Variants in ELOVL5 observed in about 807,000 individuals in gnomAD.
ELOVL5 encodes the protein very long chain fatty acid elongase 5.
In ELOVL5, 8 loss-of-function variants were observed where a neutral mutation model predicts 38.6. The ratio of observed to expected loss-of-function variants is 0.21; its 90% confidence interval spans 0.12 to 0.37. The LOEUF (loss-of-function observed/expected upper bound fraction) is 0.37. Among genes scored for constraint, ELOVL5 ranks in the 10% least tolerant of loss-of-function variants. The probability of loss-of-function intolerance (pLI) is 1.00; values close to 1 mark genes in which losing one functional copy is unlikely to be tolerated. For synonymous variants in ELOVL5, 127 were observed against 133.7 expected, an observed-to-expected ratio of 0.95 and a Z score of 0.34; for missense variants, 280 against 367.8, an observed-to-expected ratio of 0.76 and a Z score of 1.95.
chr6:53,311,957 C>G (rs1767854110), intron 1 of ELOVL5, among the ~76,000 whole-genome samples: 1 of 151,132 alleles, frequency 6.6e-6, no homozygotes, highest in Non-Finnish European at 1.5e-5. Context: ...TTTATACACT[C>G]AAGCCTACTG....
intron 1 of ELOVL5, among the ~76,000 whole-genome samples, chr6:53,319,787 C>T (rs1768222681): frequency 6.6e-6 from 1 of 152,174 alleles, no homozygotes; most frequent in Admixed American, 6.5e-5. Flanking sequence ...GGCTAGGGCC[C>T]TCTCTTGAAC....
chr6:53,348,435 G>C (rs1379350337), intron 1 of ELOVL5, among the ~76,000 whole-genome samples: 1 of 152,142 alleles, frequency 6.6e-6, no homozygotes, highest in East Asian at 1.9e-4. Context: ...CCCGCAGGGC[G>C]GGAGGACCCA....
intron 6 of ELOVL5, 44 bp from the exon 7 acceptor site, chr6:53,270,771 G>C: frequency 6.2e-7 from 1 of 1,606,074 alleles, no homozygotes; most frequent in Non-Finnish European, 8.5e-7. Context: ...ACAGTGCATG[G>C]ACGAGGCCCC....
chr6:53,309,926 A>C (rs1449511821), intron 1 of ELOVL5, among the ~76,000 whole-genome samples: 1 of 152,182 alleles, frequency 6.6e-6, no homozygotes, highest in African/African-American at 2.4e-5. Flanking sequence ...CCTTGCTGGG[A>C]CTTCTGACCC....
rs1353618267 is a variant in ELOVL5, at chr6:53,291,780, C to A, written c.242G>T (p.Cys81Phe). The A allele has an allele frequency of 1.2e-6, 2 of 1,607,224 alleles. No homozygotes were observed. Among genetic ancestry groups the A allele is most frequent in the South Asian group, 2.2e-5 (2 of 89,782 alleles). Residue 81 changes from cysteine to phenylalanine, a missense_variant, in exon 3 of 8, where the codon TGT (cysteine) becomes TTT (phenylalanine). Coordinates refer to ENST00000304434, the MANE Select transcript of ELOVL5 (RefSeq NM_021814.5). ...CTGTGTTAACCTTTGACTTACCTCA[C>A]AGAACATATACAGAGACAGCAGTGT... ...GLTLLSLYMF[C>F]ELVTGVWEGK...
intron 2 of ELOVL5, among the ~76,000 whole-genome samples, chr6:53,293,239 C>G (rs887722147): frequency 2.1e-4 from 32 of 152,212 alleles, no homozygotes; most frequent in Admixed American, 2.0e-3. Context: ...GAGGCACATG[C>G]AGCATTCACC....
intron 1 of ELOVL5, among the ~76,000 whole-genome samples, chr6:53,344,750 T>C (rs902302212): frequency 6.6e-6 from 1 of 152,206 alleles, no homozygotes; most frequent in East Asian, 1.9e-4. Context: ...TCACCTTTTC[T>C]TCCACTCCTG....
chr6:53,304,845 A>G (rs1027798805), intron 1 of ELOVL5, among the ~76,000 whole-genome samples: 1 of 152,204 alleles, frequency 6.6e-6, no homozygotes, highest in Admixed American at 6.5e-5. Flanking sequence ...CAGCACAGCA[A>G]CCAACCGATT....
At chr6:53,308,615 T>G (rs1767699286) in intron 1 of ELOVL5, among the ~76,000 whole-genome samples, 1 of 152,182 alleles carries the variant, frequency 6.6e-6, no homozygotes, top group South Asian at 2.1e-4. Flanking sequence ...TGCTAGGAAA[T>G]ATCTTTTTGA....
Position 53,268,999 on chromosome 6 carries a change from G to T in ELOVL5, c.*128C>A. ...TTCTAGGGGTTTTGAATTGATGAAA[G>T]AAGTCCTACATGAATCACACTATTG... On this transcript the variant is annotated 3_prime_UTR_variant, in exon 8 of 8. Coordinates refer to ENST00000304434, the MANE Select transcript of ELOVL5 (RefSeq NM_021814.5). 1 of 1,060,476 alleles carries T rather than the reference G, an allele frequency of 9.4e-7. No individual in the cohort carries two copies. Among genetic ancestry groups the T allele is most frequent in the Non-Finnish European group, 1.4e-6 (1 of 730,796 alleles). 65.7% of individuals were successfully genotyped at this position (1,060,476 alleles called of 1,614,324 possible).
intron 1 of ELOVL5, among the ~76,000 whole-genome samples, chr6:53,305,510 C>G (rs1317119223): frequency 6.7e-6 from 1 of 149,618 alleles, no homozygotes; most frequent in Admixed American, 6.6e-5. Context: ...CGGAGGGTCT[C>G]CTCACTTCTC....
intron 1 of ELOVL5, among the ~76,000 whole-genome samples, chr6:53,330,517 C>CTTTTTTTTTT (rs757160862): frequency 7.7e-5 from 7 of 91,422 alleles, no homozygotes; most frequent in Non-Finnish European, 1.2e-4. Context: ...TCTTTATAAA[C>CTTTTTTTTTT]TTTTTTTTTT....
At chr6:53,304,986 T>C (rs528430955) in intron 1 of ELOVL5, among the ~76,000 whole-genome samples, 14 of 151,220 alleles carry the variant, frequency 9.3e-5, no homozygotes, top group African/African-American at 2.4e-4. Flanking sequence ...GGCTCCTCAC[T>C]TCCCAGTAGG....
chr6:53,288,150 A>T (rs781271419), intron 3 of ELOVL5, among the ~76,000 whole-genome samples: 4 of 152,186 alleles, frequency 2.6e-5, no homozygotes, highest in Non-Finnish European at 5.9e-5. Flanking sequence ...AACCAGGTAG[A>T]TAAGGCAGAG....
At chr6:53,279,703 C>G (rs1482863631) in intron 3 of ELOVL5, among the ~76,000 whole-genome samples, 3 of 152,202 alleles carry the variant, frequency 2.0e-5, no homozygotes, top group Non-Finnish European at 4.4e-5. Flanking sequence ...TGATCATATT[C>G]ATCTGAACTC....
intron 1 of ELOVL5, among the ~76,000 whole-genome samples, chr6:53,305,405 G>C (rs1424159932): frequency 4.6e-5 from 7 of 151,018 alleles, no homozygotes; most frequent in African/African-American, 1.7e-4. Context: ...CCTCCCGGGC[G>C]GGGTGGCTGC....
chr6:53,317,950 G>A (rs1274968456), intron 1 of ELOVL5, among the ~76,000 whole-genome samples: 1 of 151,742 alleles, frequency 6.6e-6, no homozygotes, highest in African/African-American at 2.4e-5. Flanking sequence ...AATGATAATA[G>A]CAACTAATAC....
In ELOVL5 at chr6:53,269,320, T is replaced by C. The variant is rs201989243; in HGVS notation, c.757-50A>G. ...AACCAAATGACCACAGTTTTCTTTA[T>C]AGGGAACTTTACTGAGAATTGCATC... On this transcript the variant is annotated intron_variant, in intron 7 of 7. Transcript: ENST00000304434. The C allele has an allele frequency of 2.2e-5, 33 of 1,475,566 alleles. No individual in the cohort carries two copies. The East Asian group carries it at 3.8e-4, about 17-fold the overall frequency. 91.4% of individuals were successfully genotyped at this position (1,475,566 alleles called of 1,614,324 possible).
intron 1 of ELOVL5, among the ~76,000 whole-genome samples, chr6:53,342,592 G>C (rs1043817857): frequency 1.3e-5 from 2 of 152,202 alleles, no homozygotes; most frequent in African/African-American, 4.8e-5. Flanking sequence ...GCTCGCAAGA[G>C]GGTGCCTACC....
Sources: gnomAD v4.1 joint callset for allele counts (sites outside exome capture counted in the v4.1 genomes callset) on GRCh38, gnomAD v4.1.1 for gene constraint, MANE v1.5 for transcripts, NCBI Gene and HGNC (gene_info 2026-07-23, HGNC 2026-07-21) for gene names.